ITPRID1: variants seen among roughly 807,000 people sequenced by gnomAD.
The protein encoded by ITPRID1 is ITPR interacting domain containing 1.
Under a neutral mutation model 95.4 loss-of-function variants are expected in ITPRID1, and 96 were observed. That is an observed-to-expected ratio of 1.01 (90% CI 0.85 to 1.19). The LOEUF is 1.19. ITPRID1 is among the 50% of genes most tolerant of loss of function. The pLI, the probability that ITPRID1 is intolerant of heterozygous loss-of-function variation, is 0.00. For missense variants in ITPRID1, 1,339 were observed against 1,252.9 expected (o/e 1.07, Z -1.04); for synonymous variants, 510 against 453.6 (o/e 1.12, Z -1.58).
chr7:31,651,826 G>A (rs1416451710), intron 13 of ITPRID1, 113 bp from the exon 14 acceptor site: 3 of 600,612 alleles, frequency 5.0e-6, no homozygotes, highest in Non-Finnish European at 8.6e-6. Context: ...AAATAAAGAT[G>A]ACATTCTCTT....
Position 31,643,877 on chromosome 7 carries a change from T to C in ITPRID1, c.2507T>C (p.Leu836Pro), listed in dbSNP as rs1790240810. The C allele has an allele frequency of 1.9e-6, 3 of 1,613,910 alleles. No individual in the cohort carries two copies. The East Asian group carries it at 6.7e-5, about 36-fold the overall frequency. ...PSVCRHCLCS[L>P]TGHQEAQFMT... The stretch of plus-strand genomic sequence containing the variant: ...GTCTGTAGGCACTGCCTGTGTTCAC[T>C]AACTGGTCACCAGGAAGCCCAGTTC... Residue 836 changes from leucine to proline, a missense_variant, in exon 12 of 15, where the codon CTA becomes CCA. Coordinates refer to ENST00000615280, the MANE Select transcript of ITPRID1 (RefSeq NM_001257967.3).
At chr7:31,535,013 G>A (rs1165980832) in intron 1 of ITPRID1, among the ~76,000 whole-genome samples, 1 of 152,022 alleles carries the variant, frequency 6.6e-6, no homozygotes, top group Non-Finnish European at 1.5e-5. Context: ...AAACATTCCA[G>A]TCTGCACTGT....
chr7:31,624,909 C>G (rs1441063404), intron 10 of ITPRID1, among the ~76,000 whole-genome samples: 4 of 152,106 alleles, frequency 2.6e-5, no homozygotes, highest in African/African-American at 9.7e-5. Context: ...CTACAATGAA[C>G]TCAAACAAAT....
chr7:31,603,363 A>C (rs1786480279), intron 10 of ITPRID1, among the ~76,000 whole-genome samples: 1 of 151,934 alleles, frequency 6.6e-6, no homozygotes, highest in African/African-American at 2.4e-5. Context: ...TGACATTGCA[A>C]GTAACAATTC....
chr7:31,611,950 TTTCTC>T (rs1364537635), intron 10 of ITPRID1, among the ~76,000 whole-genome samples: 3 of 151,958 alleles, frequency 2.0e-5, no homozygotes, highest in Non-Finnish European at 4.4e-5. Flanking sequence ...GCCTTTTTCT[TTTCTC>T]TTCTCTTTCT....
intron 5 of ITPRID1, among the ~76,000 whole-genome samples, chr7:31,563,299 T>C (rs909673942): frequency 3.9e-5 from 6 of 152,198 alleles, no homozygotes; most frequent in African/African-American, 1.2e-4. Flanking sequence ...GGTGATCAGA[T>C]GAAAGAAATG....
intron 10 of ITPRID1, among the ~76,000 whole-genome samples, chr7:31,619,766 G>A (rs1787634026): frequency 6.6e-6 from 1 of 152,066 alleles, no homozygotes; most frequent in Non-Finnish European, 1.5e-5. Flanking sequence ...CAGGTCAGTG[G>A]GTGCAGCGCA....
In ITPRID1 at chr7:31,599,643, T is replaced by C. The variant is rs893109944; in HGVS notation, c.1228+16452T>C. On this transcript the variant is annotated intron_variant, in intron 10 of 14. Coordinates refer to ENST00000615280, the MANE Select transcript of ITPRID1 (RefSeq NM_001257967.3). ...TTTCTTTCTTTCTTTCTTTCTTTCT[T>C]TCTTTTTCTTTCTTTCCTTTCTCTC... 2.4e-3 allele frequency among the ~76,000 whole-genome samples: 117 copies of C among 48,736 alleles called. 4 individuals carry two copies. The highest frequency in any genetic ancestry group is 4.1e-3 in the South Asian group (5 of 1,206). The allele number at this position is 48,736 out of a possible 152,430, so 32.0% of individuals were successfully genotyped here. A position where few individuals can be genotyped will look rare whatever the true frequency, so the allele number is the denominator to read the frequency against.
rs1172304885 is a variant in ITPRID1 at position 31,651,960 on chromosome 7, AACGTT to A, written c.2738_2742del (p.Leu913Ter). On this transcript the variant is annotated frameshift_variant, in exon 14 of 15. Coordinates refer to ENST00000615280, the MANE Select transcript of ITPRID1 (RefSeq NM_001257967.3). LOFTEE classifies it high-confidence loss of function. ...GCAGGGAGGAGGCCGAGCAACTGCAAACGTTACGTGAGGCCCTGAGGCAGCAGGTG... is the reference window on the plus strand; with the variant it reads ...GCAGGGAGGAGGCCGAGCAACTGCAAACGTGAGGCCCTGAGGCAGCAGGTG... 1 of 1,600,780 alleles carries A rather than the reference AACGTT, an allele frequency of 6.2e-7. No homozygotes were observed. Among genetic ancestry groups the A allele is most frequent in the East Asian group, 2.3e-5 (1 of 44,392 alleles).
chr7:31,657,688 TG>T (rs1313128033), downstream of ITPRID1, among the ~76,000 whole-genome samples: 5 of 152,178 alleles, frequency 3.3e-5, no homozygotes, highest in Non-Finnish European at 7.4e-5. Context: ...CCTTTTTTTT[TG>T]TTTTATGCAT....
At chr7:31,637,894 AT>A (rs1789643330) in intron 10 of ITPRID1, among the ~76,000 whole-genome samples, 1 of 152,180 alleles carries the variant, frequency 6.6e-6, no homozygotes, top group African/African-American at 2.4e-5. Flanking sequence ...TCTTTAATCC[AT>A]CTTGAATTAA....
intron 1 of ITPRID1, among the ~76,000 whole-genome samples, chr7:31,539,545 G>A (rs1388194101): frequency 6.6e-6 from 1 of 152,174 alleles, no homozygotes; most frequent in Non-Finnish European, 1.5e-5. Context: ...ATACGTTAAA[G>A]GTGTGCTTAG....
intron 10 of ITPRID1, among the ~76,000 whole-genome samples, chr7:31,584,421 C>A (rs1785514314): frequency 6.6e-6 from 1 of 152,136 alleles, no homozygotes; most frequent in South Asian, 2.1e-4. Flanking sequence ...CATCTGTTTC[C>A]CATCTAATTG....
chr7:31,578,843 A>G (rs1034898324), intron 9 of ITPRID1, among the ~76,000 whole-genome samples: 23 of 152,184 alleles, frequency 1.5e-4, no homozygotes, highest in Non-Finnish European at 2.1e-4. Flanking sequence ...TCATTGCTTT[A>G]GCAGCGTGAG....
intron 10 of ITPRID1, among the ~76,000 whole-genome samples, chr7:31,631,588 C>T (rs1222400435): frequency 1.3e-5 from 2 of 152,028 alleles, no homozygotes; most frequent in Admixed American, 1.3e-4. Context: ...GTTAATTTTA[C>T]AGAAGCGGAT....
intron 1 of ITPRID1, among the ~76,000 whole-genome samples, chr7:31,520,116 T>C (rs539851409): frequency 6.6e-6 from 1 of 152,116 alleles, no homozygotes; most frequent in South Asian, 2.1e-4. Flanking sequence ...TACTGCAGAC[T>C]TTTTTTTCAA....
At position 31,583,126 on chromosome 7, in the gene ITPRID1, T is replaced by C; in HGVS notation, c.1171-8T>C. The C allele has an allele frequency of 1.9e-6, 3 of 1,601,876 alleles. No homozygotes were observed. Among genetic ancestry groups the C allele is most frequent in the Admixed American group, 1.7e-5 (1 of 59,494 alleles). ...TTCTAATGACATTGATGCATTTTGATATCTTAGGTCCAAAGCTTTGAAGAA... is the reference window on the plus strand; with the variant it reads ...TTCTAATGACATTGATGCATTTTGACATCTTAGGTCCAAAGCTTTGAAGAA... On this transcript the variant is annotated splice_region_variant and splice_polypyrimidine_tract_variant and intron_variant, in intron 9 of 14. Coordinates refer to ENST00000615280, the MANE Select transcript of ITPRID1 (RefSeq NM_001257967.3).
chr7:31,583,136 C>T lies in ITPRID1; in HGVS notation c.1173C>T (p.Val391=), dbSNP rs766031621. Residue 391 remains valine (V), a splice_region_variant and synonymous_variant, in exon 10 of 15, where the codon GTC becomes GTT. Coordinates refer to ENST00000615280, the MANE Select transcript of ITPRID1 (RefSeq NM_001257967.3). ...KGPDSFEMEE[V]QSFEEETGNP... The stretch of plus-strand genomic sequence containing the variant: ...ATTGATGCATTTTGATATCTTAGGT[C>T]CAAAGCTTTGAAGAAGAGACTGGTA... The T allele has an allele frequency of 1.1e-5, 18 of 1,608,842 alleles. 2 individuals are homozygous for T. The South Asian group carries it at 2.0e-4, about 18-fold the overall frequency.
intron 7 of ITPRID1, among the ~76,000 whole-genome samples, chr7:31,573,600 A>C (rs1785071880): frequency 6.6e-6 from 1 of 152,022 alleles, no homozygotes; most frequent in African/African-American, 2.4e-5. Context: ...ATGTAAAGAA[A>C]AGGCAAACAA....
Sources: gnomAD v4.1 joint callset for allele counts (sites outside exome capture counted in the v4.1 genomes callset) on GRCh38, gnomAD v4.1.1 for gene constraint, MANE v1.5 for transcripts, NCBI Gene and HGNC (gene_info 2026-07-23, HGNC 2026-07-21) for gene names.